The following TSPAN9 variants were observed in gnomAD, a reference collection of about 807,000 sequenced individuals.
TSPAN9 encodes the protein tetraspanin 9.
A neutral mutation model predicts 31.0 loss-of-function variants in TSPAN9; 16 were observed. The observed-to-expected ratio is 0.52, with a 90% CI of 0.35 to 0.78. TSPAN9 has a LOEUF of 0.78. Among genes scored for constraint, TSPAN9 ranks in the 30% least tolerant of loss-of-function variants. The pLI, the probability that TSPAN9 is intolerant of heterozygous loss-of-function variation, is 0.01. For missense variants in TSPAN9, 272 were observed against 312.5 expected, an observed-to-expected ratio of 0.87 and a Z score of 0.98; for synonymous variants, 145 against 121.6, an observed-to-expected ratio of 1.19 and a Z score of -1.27.
Position 3,094,454 on chromosome 12 carries a change from G to T in TSPAN9, c.-18+10735G>T, listed in dbSNP as rs543088815. ...CCTCATAGGCATTCATAGGATGATG[G>T]CGTGGCTTTAAAGAAACACCTAAGG... On this transcript the variant is annotated intron_variant, in intron 2 of 8. Coordinates refer to ENST00000011898, the MANE Select transcript of TSPAN9 (RefSeq NM_006675.5). Among the ~76,000 whole-genome samples the T allele has an allele frequency of 2.6e-5, 4 of 152,116 alleles. No individual in the cohort carries two copies. In the South Asian group the frequency reaches 8.3e-4, roughly 32 times the overall value.
At chr12:3,169,965 A>G (rs1194139943) in intron 2 of TSPAN9, among the ~76,000 whole-genome samples, 1 of 123,332 alleles carries the variant, frequency 8.1e-6, no homozygotes, top group Non-Finnish European at 1.6e-5. Flanking sequence ...GCTAGGCAGC[A>G]TGGGGAAGGA....
chr12:3,111,575 A>G (rs1458101659), intron 2 of TSPAN9, among the ~76,000 whole-genome samples: 1 of 151,660 alleles, frequency 6.6e-6, no homozygotes, highest in East Asian at 1.9e-4. Flanking sequence ...ACAAAAAATG[A>G]TAAGAATGAT....
intron 3 of TSPAN9, among the ~76,000 whole-genome samples, chr12:3,251,109 AGTTGGT>A (rs1445544156): frequency 6.6e-6 from 1 of 152,152 alleles, no homozygotes; most frequent in Non-Finnish European, 1.5e-5. Flanking sequence ...GAAGGATTTC[AGTTGGT>A]GACTTTGTGG....
At chr12:3,218,326 A>AGAG (rs2098382454) in intron 3 of TSPAN9, among the ~76,000 whole-genome samples, 1 of 152,334 alleles carries the variant, frequency 6.6e-6, no homozygotes, top group Middle Eastern at 3.4e-3. Context: ...CAGGGAGGAA[A>AGAG]GAGGAGGAGG....
chr12:3,167,641 G>T (rs184228256), intron 2 of TSPAN9, among the ~76,000 whole-genome samples: 3 of 152,304 alleles, frequency 2.0e-5, no homozygotes, highest in African/African-American at 7.2e-5. Flanking sequence ...CTGGATTTGG[G>T]GCATGCACAG....
intron 8 of TSPAN9, among the ~76,000 whole-genome samples, chr12:3,282,347 G>A (rs1343985868): frequency 6.6e-6 from 1 of 152,144 alleles, no homozygotes; most frequent in South Asian, 2.1e-4. Flanking sequence ...CCAAGACATC[G>A]CACCATGTGT....
chr12:3,144,990 A>G (rs1043623098), intron 2 of TSPAN9, among the ~76,000 whole-genome samples: 5 of 152,200 alleles, frequency 3.3e-5, no homozygotes, highest in African/African-American at 9.7e-5. Context: ...TTGGACTTCA[A>G]ATCAGTTGCA....
At chr12:3,100,304 C>T (rs899211509) in intron 2 of TSPAN9, among the ~76,000 whole-genome samples, 13 of 152,264 alleles carry the variant, frequency 8.5e-5, no homozygotes, top group Admixed American at 2.6e-4. Flanking sequence ...GTACTCTTCT[C>T]GAAGTCTCTT....
chr12:3,226,121 A>G (rs1489903637), intron 3 of TSPAN9, among the ~76,000 whole-genome samples: 1 of 151,528 alleles, frequency 6.6e-6, no homozygotes, highest in East Asian at 1.9e-4. Flanking sequence ...AGGAGGGGAC[A>G]GGATTGCTCT....
chr12:3,221,539 A>G (rs2098384603), intron 3 of TSPAN9, among the ~76,000 whole-genome samples: 1 of 151,832 alleles, frequency 6.6e-6, no homozygotes, highest in Non-Finnish European at 1.5e-5. Context: ...TTGTAGTTTT[A>G]GTAGAGACAG....
intron 2 of TSPAN9, among the ~76,000 whole-genome samples, chr12:3,097,417 T>C (rs2098309673): frequency 6.6e-6 from 1 of 152,200 alleles, no homozygotes; most frequent in Non-Finnish European, 1.5e-5. Context: ...TTCTGAGAAT[T>C]GAGCAGAATG....
intron 3 of TSPAN9, among the ~76,000 whole-genome samples, 184 bp from the exon 4 acceptor site, chr12:3,278,237 G>A (rs1371056356): frequency 6.6e-6 from 1 of 152,184 alleles, no homozygotes; most frequent in South Asian, 2.1e-4. Context: ...GAGAGGCTAG[G>A]GGACTGTCTG....
rs182777167 is a variant in TSPAN9, at chr12:3,174,743, C to T, written c.-17-26434C>T. 5.6e-3 allele frequency among the ~76,000 whole-genome samples: 754 copies of T among 134,210 alleles called. 28 individuals carry two copies. The East Asian group carries it at 0.076, about 14-fold the overall frequency. 88.0% of individuals were successfully genotyped at this position (134,210 alleles called of 152,430 possible). ...GACTACAGGCGCCCACCACCGCGCCCGGCTAATTTTTTGTATTTTTAGTAG... is the reference window on the plus strand; with the variant it reads ...GACTACAGGCGCCCACCACCGCGCCTGGCTAATTTTTTGTATTTTTAGTAG... On this transcript the variant is annotated intron_variant, in intron 2 of 8. Transcript: ENST00000011898.
chr12:3,188,688 C>T (rs1430133940), intron 2 of TSPAN9, among the ~76,000 whole-genome samples: 7 of 152,250 alleles, frequency 4.6e-5, no homozygotes, highest in Admixed American at 3.3e-4. Context: ...TTGGGCCTCA[C>T]GGAGCCCAGC....
intron 3 of TSPAN9, among the ~76,000 whole-genome samples, chr12:3,229,735 G>A (rs1156427729): frequency 7.2e-5 from 11 of 152,188 alleles, no homozygotes; most frequent in Non-Finnish European, 1.2e-4. Context: ...GGCCTGCAGC[G>A]GTTCATCGCA....
chr12:3,108,912 T>C lies in TSPAN9; in HGVS notation c.-18+25193T>C, dbSNP rs149946982. On this transcript the variant is annotated intron_variant, in intron 2 of 8. Transcript: ENST00000011898. ...CATTATCTTATTTGTCTAAGGATATTAATGATAGTTTCATTTTGGGAGGAA... is the reference window on the plus strand; with the variant it reads ...CATTATCTTATTTGTCTAAGGATATCAATGATAGTTTCATTTTGGGAGGAA... 2.4e-3 allele frequency among the ~76,000 whole-genome samples: 358 copies of C among 152,294 alleles called. 3 individuals are homozygous for C. In the South Asian group the frequency reaches 0.032, roughly 14 times the overall value.
rs557907484 is a variant in TSPAN9, at chr12:3,192,153, C to T, written c.-17-9024C>T. Among the ~76,000 whole-genome samples, 5 of 152,118 alleles carry T rather than the reference C, an allele frequency of 3.3e-5. No individual in the cohort carries two copies. Among genetic ancestry groups the T allele is most frequent in the East Asian group, 1.9e-4 (1 of 5,160 alleles). On this transcript the variant is annotated intron_variant, in intron 2 of 8. Transcript: ENST00000011898. The surrounding 1 kb of genome is among the most constrained non-coding windows in gnomAD (Gnocchi z 4.6). ...AGAGAAAGGCAGGGATCAGTCATGC[C>T]GGCCGTTTAGGGTTGCTCTAAGGAT...
intron 2 of TSPAN9, among the ~76,000 whole-genome samples, chr12:3,112,626 C>T (rs1430949835): frequency 1.4e-5 from 2 of 141,890 alleles, no homozygotes; most frequent in Non-Finnish European, 3.1e-5. Flanking sequence ...GATTTTGTTT[C>T]ATTGATCTTT....
intron 3 of TSPAN9, among the ~76,000 whole-genome samples, chr12:3,269,480 C>T (rs868135161): frequency 8.0e-3 from 1,182 of 147,016 alleles, no homozygotes; most frequent in African/African-American, 0.029. Context: ...GCAGCCTGCC[C>T]TCTGTGTTTC....
Sources: allele counts gnomAD v4.1 joint callset (sites outside exome capture counted in the v4.1 genomes callset), GRCh38; gene constraint gnomAD v4.1.1; non-coding constraint Gnocchi (gnomAD v3.1); transcripts MANE v1.5; gene names NCBI Gene and HGNC (gene_info 2026-07-23, HGNC 2026-07-21).